SUGP2: variants seen among roughly 807,000 people sequenced by gnomAD.
SUGP2 encodes SURP and G-patch domain containing 2.
In SUGP2, 24 loss-of-function variants were observed where a neutral mutation model predicts 90.5. The observed-to-expected ratio is 0.27, with a 90% CI of 0.19 to 0.37. The LOEUF (loss-of-function observed/expected upper bound fraction) is 0.37, where lower values mean the gene tolerates loss of function less well. SUGP2 is among the 10% of genes least tolerant of loss of function. The pLI is 1.00. For missense variants in SUGP2, 1,233 were observed against 1,363.3 expected, an observed-to-expected ratio of 0.90 and a Z score of 1.51; for synonymous variants, 473 against 513.4, an observed-to-expected ratio of 0.92 and a Z score of 1.06.
At chr19:19,027,624 ACTTTTTTTTTT>A (rs974697030) in intron 2 of SUGP2, among the ~76,000 whole-genome samples, 4 of 151,510 alleles carry the variant, frequency 2.6e-5, no homozygotes, top group African/African-American at 7.3e-5. Context: ...TAGCTCTGAC[ACTTTTTTTTTT>A]CTTTTTTTTT....
intron 7 of SUGP2, among the ~76,000 whole-genome samples, chr19:19,002,750 C>T (rs1158080899): frequency 2.6e-5 from 4 of 151,920 alleles, no homozygotes; most frequent in Non-Finnish European, 4.4e-5. Context: ...CGACCAAAGG[C>T]GATCCTCCCG....
intron 9 of SUGP2, chr19:18,994,754 G>T: frequency 1.9e-6 from 1 of 540,526 alleles, no homozygotes; most frequent in Non-Finnish European, 3.3e-6. Flanking sequence ...TAAATGAAAT[G>T]CCTGCTGGAG....
chr19:19,008,495 G>A (rs930364614), intron 5 of SUGP2, 67 bp from the exon 6 acceptor site: 2 of 1,259,336 alleles, frequency 1.6e-6, no homozygotes, highest in Middle Eastern at 2.1e-4. Flanking sequence ...AACACTGCAG[G>A]GTTGTGGAGG....
chr19:19,006,687 C>T (rs937605603), intron 6 of SUGP2, among the ~76,000 whole-genome samples: 1 of 152,216 alleles, frequency 6.6e-6, no homozygotes, highest in African/African-American at 2.4e-5. Flanking sequence ...CCCACATACA[C>T]AGTGGACAGG....
At chr19:18,996,562 T>C (rs1485971594) in intron 8 of SUGP2, among the ~76,000 whole-genome samples, 2 of 152,132 alleles carry the variant, frequency 1.3e-5, no homozygotes, top group Admixed American at 6.5e-5. Flanking sequence ...TTGATGTTTT[T>C]TTTTTTTTAA....
chr19:19,019,259 A>G, intron 3 of SUGP2, 30 bp from the exon 4 acceptor site: 1 of 1,594,956 alleles, frequency 6.3e-7, no homozygotes, highest in Non-Finnish European at 8.6e-7. Flanking sequence ...TTCTCTGAGA[A>G]ATATGCTGAA....
chr19:19,004,777 C>T (rs1410344154), intron 6 of SUGP2, 131 bp from the exon 7 acceptor site: 10 of 708,430 alleles, frequency 1.4e-5, no homozygotes, highest in South Asian at 7.4e-5. Context: ...CCAGTCTCTA[C>T]GCGGCTATGG....
At chr19:19,013,386 C>G (rs2058376228) in intron 4 of SUGP2, among the ~76,000 whole-genome samples, 1 of 152,200 alleles carries the variant, frequency 6.6e-6, no homozygotes. Flanking sequence ...AATTTCCCAT[C>G]TCTGTGTTTT....
At chr19:19,008,543 G>T in intron 5 of SUGP2, 115 bp from the exon 6 acceptor site, 1 of 828,758 alleles carries the variant, frequency 1.2e-6, no homozygotes, top group Non-Finnish European at 2.1e-6. Flanking sequence ...CCTCCCTGTA[G>T]CCTTGCCCTT....
chr19:19,030,910 C>G (rs1457634280), intron 2 of SUGP2, 41 bp downstream of exon 2: 1 of 1,589,332 alleles, frequency 6.3e-7, no homozygotes, highest in Non-Finnish European at 8.6e-7. Flanking sequence ...AAGATACACC[C>G]CTACCAAAAC....
chr19:19,012,499 T>G (rs1214893147), intron 4 of SUGP2, among the ~76,000 whole-genome samples: 1 of 152,166 alleles, frequency 6.6e-6, no homozygotes, highest in African/African-American at 2.4e-5. Context: ...CAGAGAACAC[T>G]CAACAAGCCA....
chr19:19,002,890 C>G (rs183811197), intron 7 of SUGP2, among the ~76,000 whole-genome samples: 10 of 152,210 alleles, frequency 6.6e-5, no homozygotes, highest in East Asian at 1.9e-4. Flanking sequence ...CCACCTCCCC[C>G]CAAGAAGAGC....
intron 4 of SUGP2, among the ~76,000 whole-genome samples, chr19:19,013,722 C>G (rs555909384): frequency 6.6e-6 from 1 of 152,306 alleles, no homozygotes; most frequent in South Asian, 2.1e-4. Flanking sequence ...GGATTCTTAG[C>G]CACTTGTTTT....
chr19:19,004,251 G>A lies in SUGP2; in HGVS notation c.2846C>T (p.Pro949Leu). The change falls in exon 7 of 11, where the codon CCT becomes CTT. Residue 949 changes from proline (P) to leucine (L), a missense_variant. Transcript: ENST00000452918. The stretch of plus-strand genomic sequence containing the variant: ...TGACTTGCTGCTGATCCTCTTCCGA[G>A]GGAAGCAGGTACCTGAGGAGGCCTG... ...LSQASSGTCF[P>L]RKRISSKSLK... 1 of 1,612,764 alleles carries A rather than the reference G, an allele frequency of 6.2e-7. No individual in the cohort carries two copies. The highest frequency in any genetic ancestry group is 1.7e-4 in the Middle Eastern group (1 of 6,040).
intron 6 of SUGP2, among the ~76,000 whole-genome samples, chr19:19,007,142 G>T (rs2058107553): frequency 6.6e-6 from 1 of 152,178 alleles, no homozygotes; most frequent in South Asian, 2.1e-4. Flanking sequence ...AACCCCAGGG[G>T]CAGTGCTGGC....
At chr19:19,017,788 A>AT (rs1352572224) in intron 4 of SUGP2, among the ~76,000 whole-genome samples, 1 of 151,618 alleles carries the variant, frequency 6.6e-6, no homozygotes, top group Non-Finnish European at 1.5e-5. Flanking sequence ...TAATAATAAA[A>AT]ATAAAAAGTG....
Position 19,025,961 on chromosome 19 carries a change from C to A in SUGP2, c.387G>T (p.Gly129=), listed in dbSNP as rs2058911456. 6.2e-7 allele frequency: 1 copy of A among 1,614,132 alleles called. No homozygotes were observed. The highest frequency in any genetic ancestry group is 8.5e-7 in the Non-Finnish European group (1 of 1,180,026). ...RDQVIGHRKL[G]HFRSQDWKFA... is the part of the protein sequence containing the mutation. Reference sequence around the variant, plus strand: ...ATTTCCAGTCCTGAGAACGGAAATGCCCCAATTTCCGGTGGCCAATGACCT... The same window carrying A: ...ATTTCCAGTCCTGAGAACGGAAATGACCCAATTTCCGGTGGCCAATGACCT... The change falls in exon 3 of 11, where the codon GGG becomes GGT. Residue 129 remains glycine, a synonymous_variant. Coordinates refer to ENST00000452918, the MANE Select transcript of SUGP2 (RefSeq NM_001017392.5).
Position 19,033,452 on chromosome 19 carries a change from C to A in SUGP2, c.-27G>T. ...CGGGCCTCACCCCGAGACCACCGCG[C>A]GCGGAGCCACCCCCGCCGCCGCCTC... On this transcript the variant is annotated 5_prime_UTR_variant, in exon 1 of 11. Coordinates refer to ENST00000452918, the MANE Select transcript of SUGP2 (RefSeq NM_001017392.5). 7.2e-7 allele frequency: 1 copy of A among 1,394,778 alleles called. No homozygotes were observed. Among genetic ancestry groups the A allele is most frequent in the Middle Eastern group, 2.7e-4 (1 of 3,764 alleles). 86.4% of individuals were successfully genotyped at this position (1,394,778 alleles called of 1,614,324 possible). A position where few individuals can be genotyped will look rare whatever the true frequency, so the allele number is the denominator to read the frequency against.
At chr19:19,007,006 C>T (rs1319745753) in intron 6 of SUGP2, among the ~76,000 whole-genome samples, 1 of 152,242 alleles carries the variant, frequency 6.6e-6, no homozygotes, top group Non-Finnish European at 1.5e-5. Flanking sequence ...GACTGTCCAA[C>T]AAGCTAGGAC....
Sources: gnomAD v4.1 joint callset for allele counts (sites outside exome capture counted in the v4.1 genomes callset) on GRCh38, gnomAD v4.1.1 for gene constraint, MANE v1.5 for transcripts, NCBI Gene and HGNC (gene_info 2026-07-23, HGNC 2026-07-21) for gene names.